The following FBXO34 variants were observed in gnomAD, a reference collection of about 807,000 sequenced individuals.
FBXO34 encodes the protein F-box protein 34, also known as F-box only protein 34.
A neutral mutation model predicts 24.5 loss-of-function variants in FBXO34; 12 were observed. That is an observed-to-expected ratio of 0.49 (90% CI 0.31 to 0.79). FBXO34 has a LOEUF of 0.79. FBXO34 is among the 30% of genes least tolerant of loss of function. The pLI is 0.04. For synonymous variants in FBXO34, 320 were observed against 311.9 expected, an observed-to-expected ratio of 1.03 and a Z score of -0.27; for missense variants, 823 against 857.7, an observed-to-expected ratio of 0.96 and a Z score of 0.51.
chr14:55,323,179 T>C (rs375555327), intron 1 of FBXO34, among the ~76,000 whole-genome samples: 32,156 of 70,856 alleles, frequency 0.45, 6,801 homozygotes, highest in South Asian at 0.48. Context: ...AGTGAGACTC[T>C]GTCTCAAAAA....
chr14:55,359,192 A>C (rs1284024640), intron 3 of FBXO34, among the ~76,000 whole-genome samples: 4 of 152,152 alleles, frequency 2.6e-5, no homozygotes, highest in Non-Finnish European at 5.9e-5. Flanking sequence ...CTATTTTGTC[A>C]GAACAAGCCT....
chr14:55,414,377 G>A, the FBXO34 span: 3 of 1,596,620 alleles, frequency 1.9e-6, no homozygotes, highest in South Asian at 2.3e-5. Flanking sequence ...TGAATGATAT[G>A]CTCAGGCTTT....
chr14:55,344,911 G>T (rs914463096), intron 1 of FBXO34, among the ~76,000 whole-genome samples: 1 of 151,492 alleles, frequency 6.6e-6, no homozygotes, highest in Non-Finnish European at 1.5e-5. Flanking sequence ...TGTTGTAATT[G>T]TCTGTTTGCT....
downstream of FBXO34, chr14:55,368,592 G>C (rs1431236759): frequency 6.6e-6 from 1 of 152,210 alleles, no homozygotes; most frequent in African/African-American, 2.4e-5. Context: ...GATCTGCGCT[G>C]CATTTCTGAG....
intron 3 of FBXO34, among the ~76,000 whole-genome samples, chr14:55,359,539 A>C (rs79346312): frequency 6.6e-6 from 1 of 152,216 alleles, no homozygotes; most frequent in South Asian, 2.1e-4. Flanking sequence ...TGTGAGTCAT[A>C]ATCTTTGCTG....
chr14:55,284,492 A>G (rs1456742421), intron 1 of FBXO34, among the ~76,000 whole-genome samples: 1 of 148,348 alleles, frequency 6.7e-6, no homozygotes. Flanking sequence ...AGCCTGGGCA[A>G]CAAGAGTGAA....
At chr14:55,302,100 C>T (rs996035664) in intron 1 of FBXO34, among the ~76,000 whole-genome samples, 14 of 152,310 alleles carry the variant, frequency 9.2e-5, no homozygotes, top group African/African-American at 2.9e-4. Context: ...AAACTGGTTG[C>T]AAAGTTACAT....
downstream of FBXO34, among the ~76,000 whole-genome samples, chr14:55,365,225 C>CAAAA (rs1175120629): frequency 1.1e-5 from 1 of 88,714 alleles, no homozygotes; most frequent in African/African-American, 3.5e-5. Context: ...TCTATCATCT[C>CAAAA]AAAAAAAAAA....
chr14:55,390,766 G>A, the FBXO34 span: 1 of 613,980 alleles, frequency 1.6e-6, no homozygotes, highest in Non-Finnish European at 2.9e-6. Flanking sequence ...TGTTTTACAA[G>A]GAAAGATGAG....
the FBXO34 span, among the ~76,000 whole-genome samples, chr14:55,393,083 A>G: frequency 1.3e-5 from 2 of 152,230 alleles, no homozygotes. Flanking sequence ...ACAAATTTTA[A>G]GTATAATGAA....
At chr14:55,429,970 T>G in the FBXO34 span, among the ~76,000 whole-genome samples, 1 of 152,020 alleles carries the variant, frequency 6.6e-6, no homozygotes, top group Non-Finnish European at 1.5e-5. Flanking sequence ...CTCGGCTTTC[T>G]CACCCAATCT....
At chr14:55,336,421 C>T (rs548243383) in intron 1 of FBXO34, among the ~76,000 whole-genome samples, 4 of 152,174 alleles carry the variant, frequency 2.6e-5, no homozygotes, top group Non-Finnish European at 5.9e-5. Flanking sequence ...CTGCCTGGCC[C>T]AGGGAACCAC....
At chr14:55,369,673 G>C, downstream of FBXO34, 1 of 1,579,482 alleles carries the variant, frequency 6.3e-7, no homozygotes, top group Non-Finnish European at 8.6e-7. Context: ...CTGCTGCAGA[G>C]GAGATCATCC....
In FBXO34 at chr14:55,301,254, C is replaced by T. The variant is rs58903213; in HGVS notation, c.-11+29717C>T. Among the ~76,000 whole-genome samples, 508 of 152,156 alleles carry T rather than the reference C, an allele frequency of 3.3e-3. 6 individuals are homozygous for T. The highest frequency in any genetic ancestry group is 0.012 in the African/African-American group (485 of 41,516). ...GAGTTTGAGACCAGCCTGGGCAACA[C>T]AGTGAGACCTCCATCTCAACAGAAA... On this transcript the variant is annotated intron_variant, in intron 1 of 1. Coordinates refer to ENST00000313833, the MANE Select transcript of FBXO34 (RefSeq NM_017943.4).
intron 1 of FBXO34, among the ~76,000 whole-genome samples, chr14:55,336,406 C>T (rs978011834): frequency 4.6e-5 from 7 of 152,328 alleles, no homozygotes; most frequent in Admixed American, 3.9e-4. Flanking sequence ...TCAGTCCCTG[C>T]AGAGCTGCCT....
chr14:55,431,150 T>C, the FBXO34 span, among the ~76,000 whole-genome samples: 4 of 152,226 alleles, frequency 2.6e-5, no homozygotes, highest in Admixed American at 1.3e-4. Context: ...CAAAAGAGAA[T>C]AGGTTTGGAT....
At chr14:55,309,548 G>A (rs1266777594) in intron 1 of FBXO34, among the ~76,000 whole-genome samples, 1 of 152,168 alleles carries the variant, frequency 6.6e-6, no homozygotes, top group Non-Finnish European at 1.5e-5. Flanking sequence ...CAAGCAGGAG[G>A]ACTAGCTTGC....
chr14:55,417,235 T>C, the FBXO34 span, among the ~76,000 whole-genome samples: 1 of 152,128 alleles, frequency 6.6e-6, no homozygotes, highest in Admixed American at 6.5e-5. Flanking sequence ...CGGTGTTCCT[T>C]CCTTTACACC....
At chr14:55,283,493 C>T (rs1401870669) in intron 1 of FBXO34, among the ~76,000 whole-genome samples, 1 of 141,142 alleles carries the variant, frequency 7.1e-6, no homozygotes, top group Admixed American at 7.3e-5. Context: ...TTGAGACAGT[C>T]TCACTCTGTT....
Sources: gnomAD v4.1 joint callset for allele counts (sites outside exome capture counted in the v4.1 genomes callset) on GRCh38, gnomAD v4.1.1 for gene constraint, MANE v1.5 for transcripts, NCBI Gene and HGNC (gene_info 2026-07-23, HGNC 2026-07-21) for gene names.